Variants in XKR6 observed in about 807,000 individuals in gnomAD.
The protein encoded by XKR6 is XK related 6.
A neutral mutation model predicts 56.7 loss-of-function variants in XKR6; 22 were observed. The observed-to-expected ratio is 0.39, with a 90% CI of 0.28 to 0.55. The LOEUF (loss-of-function observed/expected upper bound fraction) is 0.55. Among genes scored for constraint, XKR6 ranks in the 20% least tolerant of loss-of-function variants. XKR6 has a pLI of 0.66. For missense variants in XKR6, 852 were observed against 889.0 expected, an observed-to-expected ratio of 0.96 and a Z score of 0.53; for synonymous variants, 524 against 387.8, an observed-to-expected ratio of 1.35 and a Z score of -4.13.
chr8:11,048,061 C>T (rs1365829508), intron 1 of XKR6, among the ~76,000 whole-genome samples: 1 of 152,164 alleles, frequency 6.6e-6, no homozygotes, highest in African/African-American at 2.4e-5. Context: ...TCTTTAGCAA[C>T]CCAGAGTGAT....
intron 2 of XKR6, among the ~76,000 whole-genome samples, chr8:10,901,206 C>A (rs527482946): frequency 6.6e-6 from 1 of 152,074 alleles, no homozygotes; most frequent in Non-Finnish European, 1.5e-5. Context: ...CAGGTGCACA[C>A]CACCATGCCT....
intron 1 of XKR6, chr8:11,137,463 G>T (rs937271326): frequency 7.1e-6 from 3 of 424,508 alleles, no homozygotes; most frequent in Non-Finnish European, 1.4e-5. Flanking sequence ...ATCTTCAGCC[G>T]ACACGGAAGT....
At chr8:11,192,686 G>T (rs1489263113) in intron 1 of XKR6, among the ~76,000 whole-genome samples, 1 of 152,152 alleles carries the variant, frequency 6.6e-6, no homozygotes. Flanking sequence ...TTCCCTGTGT[G>T]CTTCAAAGCT....
chr8:11,048,170 G>C (rs577699377), intron 1 of XKR6, among the ~76,000 whole-genome samples: 1 of 152,274 alleles, frequency 6.6e-6, no homozygotes, highest in African/African-American at 2.4e-5. Flanking sequence ...ACTCAGCCCT[G>C]GGGAAGCCTA....
chr8:11,100,001 TG>T (rs1798409765), intron 1 of XKR6, among the ~76,000 whole-genome samples: 1 of 152,172 alleles, frequency 6.6e-6, no homozygotes, highest in Non-Finnish European at 1.5e-5. Flanking sequence ...GGTTGGGCGC[TG>T]GGAGGGAGAG....
chr8:10,913,052 A>G (rs1800454890), intron 2 of XKR6, among the ~76,000 whole-genome samples: 1 of 150,682 alleles, frequency 6.6e-6, no homozygotes, highest in Admixed American at 6.6e-5. Flanking sequence ...GTATATATAT[A>G]TAGTATATAT....
intron 1 of XKR6, among the ~76,000 whole-genome samples, chr8:11,069,415 C>T (rs1385714190): frequency 6.6e-6 from 1 of 152,068 alleles, no homozygotes; most frequent in Non-Finnish European, 1.5e-5. Flanking sequence ...TCCCGCAAGG[C>T]CCTCCCTGGA....
In XKR6 at chr8:11,094,073, C is replaced by T. The variant is rs556004066; in HGVS notation, c.764+106503G>A. On this transcript the variant is annotated intron_variant, in intron 1 of 2. Coordinates refer to ENST00000416569, the MANE Select transcript of XKR6 (RefSeq NM_173683.4). ...TGCTGGGATTACAGGCGTGAGCCAC[C>T]GCGCCCGGCCTTTTTTTTTTTTTGA... Among the ~76,000 whole-genome samples, 264 of 139,990 alleles carry T rather than the reference C, an allele frequency of 1.9e-3. 1 individual carries two copies. Among genetic ancestry groups the T allele is most frequent in the Admixed American group, 3.3e-3 (48 of 14,368 alleles). 91.8% of individuals were successfully genotyped at this position (139,990 alleles called of 152,430 possible).
intron 1 of XKR6, among the ~76,000 whole-genome samples, chr8:11,177,722 C>T (rs1334386703): frequency 6.6e-6 from 1 of 152,186 alleles, no homozygotes; most frequent in Non-Finnish European, 1.5e-5. Flanking sequence ...GGGTTGACTG[C>T]CACCCCAGAA....
intron 1 of XKR6, among the ~76,000 whole-genome samples, chr8:11,098,468 G>A (rs924667489): frequency 3.3e-5 from 5 of 152,062 alleles, no homozygotes; most frequent in African/African-American, 2.4e-5. Flanking sequence ...TCTCACTCAC[G>A]GAATACGAGG....
chr8:11,167,030 T>C (rs373854907), intron 1 of XKR6, among the ~76,000 whole-genome samples: 2 of 152,104 alleles, frequency 1.3e-5, no homozygotes, highest in Non-Finnish European at 2.9e-5. Flanking sequence ...GTGGCGGTGG[T>C]AGAAGGAAAG....
intron 1 of XKR6, among the ~76,000 whole-genome samples, chr8:11,015,478 C>T (rs1798597369): frequency 6.6e-6 from 1 of 152,122 alleles, no homozygotes; most frequent in Non-Finnish European, 1.5e-5. Context: ...AGAAACCACC[C>T]CCCACCCCCA....
At chr8:11,095,534 T>C (rs1464793291) in intron 1 of XKR6, among the ~76,000 whole-genome samples, 1 of 152,182 alleles carries the variant, frequency 6.6e-6, no homozygotes, top group East Asian at 1.9e-4. Flanking sequence ...CACACTGTTC[T>C]GAATCTCCTT....
At chr8:10,996,994 A>G (rs193194816) in intron 1 of XKR6, among the ~76,000 whole-genome samples, 46 of 152,268 alleles carry the variant, frequency 3.0e-4, no homozygotes, top group African/African-American at 1.1e-3. Flanking sequence ...ATAAAATAAC[A>G]ACAAATGTCT....
rs372210481 is a variant in XKR6, at chr8:11,068,778, G to A, written c.764+131798C>T. 3.3e-5 allele frequency among the ~76,000 whole-genome samples: 5 copies of A among 152,278 alleles called. No homozygotes were observed. In the South Asian group the frequency reaches 8.3e-4, roughly 25 times the overall value. On this transcript the variant is annotated intron_variant, in intron 1 of 2. Transcript: ENST00000416569. The stretch of plus-strand genomic sequence containing the variant: ...CACTGATGGTGTGACACCCACATGG[G>A]CTCCCACCAGCGAACAGCCCACCCC...
At chr8:11,163,922 C>T (rs1324251787) in intron 1 of XKR6, among the ~76,000 whole-genome samples, 1 of 152,054 alleles carries the variant, frequency 6.6e-6, no homozygotes, top group Non-Finnish European at 1.5e-5. Context: ...TACATGCAGG[C>T]CAAAAGTAGA....
At position 10,954,252 on chromosome 8, in the gene XKR6, T is replaced by C. The variant is rs117366673; in HGVS notation, c.765-29422A>G. Among the ~76,000 whole-genome samples, 3 of 152,372 alleles carry C rather than the reference T, an allele frequency of 2.0e-5. No individual in the cohort carries two copies. The East Asian group carries it at 5.8e-4, about 29-fold the overall frequency. On this transcript the variant is annotated intron_variant, in intron 1 of 2. Coordinates refer to ENST00000416569, the MANE Select transcript of XKR6 (RefSeq NM_173683.4). ...GGAGGAACCAGCAAGTTGTTTTTCATCGTGGCTGCACCATTTTGTATTCCC... is the reference window on the plus strand; with the variant it reads ...GGAGGAACCAGCAAGTTGTTTTTCACCGTGGCTGCACCATTTTGTATTCCC...
intron 1 of XKR6, among the ~76,000 whole-genome samples, chr8:10,979,018 G>A (rs1432604738): frequency 6.6e-6 from 1 of 152,108 alleles, no homozygotes; most frequent in Non-Finnish European, 1.5e-5. Flanking sequence ...TGCCTGGAAT[G>A]CCTCCTGATC....
intron 1 of XKR6, chr8:11,195,202 G>A (rs1803807456): frequency 2.8e-6 from 2 of 703,040 alleles, no homozygotes. Context: ...TTCCTTGATG[G>A]TACCAAAGGG....
Sources: gnomAD v4.1 joint callset for allele counts (sites outside exome capture counted in the v4.1 genomes callset) on GRCh38, gnomAD v4.1.1 for gene constraint, MANE v1.5 for transcripts, NCBI Gene and HGNC (gene_info 2026-07-23, HGNC 2026-07-21) for gene names.